Variants in UGGT2 observed in about 807,000 individuals in gnomAD.
The protein encoded by UGGT2 is UDP-glucose:glycoprotein glucosyltransferase 2.
In UGGT2, 180 loss-of-function variants were observed where a neutral mutation model predicts 192.1. That is an observed-to-expected ratio of 0.94 (90% CI 0.83 to 1.06). UGGT2 has a LOEUF of 1.06. UGGT2 is among the 50% of genes least tolerant of loss of function. The probability of loss-of-function intolerance (pLI) is 0.00; values close to 1 mark genes in which losing one functional copy is unlikely to be tolerated. For missense variants in UGGT2, 1,849 were observed against 1,795.7 expected, an observed-to-expected ratio of 1.03 and a Z score of -0.54; for synonymous variants, 580 against 591.0, an observed-to-expected ratio of 0.98 and a Z score of 0.27.
chr13:95,848,352 T>C (rs1459562403), intron 36 of UGGT2, among the ~76,000 whole-genome samples: 1 of 152,222 alleles, frequency 6.6e-6, no homozygotes, highest in Non-Finnish European at 1.5e-5. Flanking sequence ...TTTGGTGTTA[T>C]ATCTAAAAAG....
chr13:95,986,582 TTAAATG>T (rs2051296601), intron 8 of UGGT2, 150 bp from the exon 9 acceptor site: 1 of 511,984 alleles, frequency 2.0e-6, no homozygotes, highest in Non-Finnish European at 3.3e-6. Context: ...TTAAAAAGTT[TTAAATG>T]TAAAGTTATC....
At chr13:96,011,757 C>G (rs2052168246) in intron 5 of UGGT2, among the ~76,000 whole-genome samples, 1 of 152,042 alleles carries the variant, frequency 6.6e-6, no homozygotes, top group African/African-American at 2.4e-5. Flanking sequence ...ACAGATGACT[C>G]TGTGTGATTG....
intron 1 of UGGT2, among the ~76,000 whole-genome samples, chr13:96,033,386 T>C (rs552460549): frequency 6.6e-6 from 1 of 151,690 alleles, no homozygotes; most frequent in Non-Finnish European, 1.5e-5. Flanking sequence ...CACTTCTGAG[T>C]TGGTAGGGTG....
At chr13:95,964,532 G>A (rs2050505369) in intron 12 of UGGT2, among the ~76,000 whole-genome samples, 1 of 152,052 alleles carries the variant, frequency 6.6e-6, no homozygotes, top group South Asian at 2.1e-4. Flanking sequence ...CCTGTTCGAT[G>A]GGAGAAAATA....
intron 24 of UGGT2, among the ~76,000 whole-genome samples, chr13:95,891,817 T>A (rs562905803): frequency 6.6e-6 from 1 of 152,294 alleles, no homozygotes; most frequent in African/African-American, 2.4e-5. Context: ...AGGAAAAGGC[T>A]TCTGCAGTGA....
At chr13:95,925,464 T>C (rs575005355) in intron 20 of UGGT2, among the ~76,000 whole-genome samples, 44 of 152,318 alleles carry the variant, frequency 2.9e-4, no homozygotes, top group African/African-American at 1.0e-3. Flanking sequence ...TCACAAGGAC[T>C]ACCAGAGAAT....
chr13:95,907,210 G>T (rs1350527493), intron 20 of UGGT2, among the ~76,000 whole-genome samples: 2 of 152,204 alleles, frequency 1.3e-5, no homozygotes, highest in African/African-American at 4.8e-5. Flanking sequence ...TGGGGGAGGG[G>T]CGTCCACCAT....
At chr13:96,042,702 G>A (rs1046766696) in intron 1 of UGGT2, among the ~76,000 whole-genome samples, 8 of 151,954 alleles carry the variant, frequency 5.3e-5, no homozygotes, top group Admixed American at 3.9e-4. Flanking sequence ...AACAATGGAC[G>A]CACTTATAGA....
At chr13:95,967,841 T>C (rs1042380896) in intron 12 of UGGT2, among the ~76,000 whole-genome samples, 1 of 152,204 alleles carries the variant, frequency 6.6e-6, no homozygotes, top group African/African-American at 2.4e-5. Context: ...TATCAATAGG[T>C]ATTGAGATAT....
intron 27 of UGGT2, among the ~76,000 whole-genome samples, chr13:95,878,836 ATTTC>A (rs2047414458): frequency 6.6e-6 from 1 of 152,200 alleles, no homozygotes. Context: ...TGTTTACAGC[ATTTC>A]TTTCTTGATT....
intron 12 of UGGT2, among the ~76,000 whole-genome samples, chr13:95,956,639 T>C (rs554518801): frequency 2.6e-5 from 4 of 152,298 alleles, no homozygotes; most frequent in African/African-American, 7.2e-5. Context: ...AGGATGGCAA[T>C]TGCCACAAAG....
chr13:95,873,338 A>T (rs1295829120), intron 29 of UGGT2, among the ~76,000 whole-genome samples: 1 of 152,184 alleles, frequency 6.6e-6, no homozygotes, highest in Non-Finnish European at 1.5e-5. Context: ...TTTCTTGACT[A>T]TCTTTTCTAC....
At chr13:95,806,664 A>C (rs1447093112) in intron 38 of UGGT2, among the ~76,000 whole-genome samples, 1 of 152,224 alleles carries the variant, frequency 6.6e-6, no homozygotes, top group Non-Finnish European at 1.5e-5. Flanking sequence ...ACAGTAATTA[A>C]AACAGTATGG....
intron 15 of UGGT2, among the ~76,000 whole-genome samples, chr13:95,940,336 A>G (rs1039096035): frequency 5.3e-5 from 8 of 151,970 alleles, no homozygotes; most frequent in Non-Finnish European, 1.2e-4. Context: ...ATGAAACCAG[A>G]CACCATTATT....
At chr13:95,983,885 A>AG (rs1454913583) in intron 9 of UGGT2, 21 bp from the exon 10 acceptor site, 1 of 1,472,344 alleles carries the variant, frequency 6.8e-7, no homozygotes, top group Non-Finnish European at 9.3e-7. Context: ...GAATACTAAT[A>AG]TAATTGATCC....
chr13:95,858,076 C>T (rs894289706), intron 33 of UGGT2, among the ~76,000 whole-genome samples: 2 of 148,726 alleles, frequency 1.3e-5, no homozygotes, highest in African/African-American at 5.0e-5. Context: ...TGGGCTGTTA[C>T]ATAAGGTTAA....
Position 95,833,056 on chromosome 13 carries a change from A to G in UGGT2, c.4402-3T>C. 6.2e-7 allele frequency: 1 copy of G among 1,611,068 alleles called. No individual in the cohort carries two copies. Among genetic ancestry groups the G allele is most frequent in the Non-Finnish European group, 8.5e-7 (1 of 1,178,152 alleles). On this transcript the variant is annotated splice_region_variant and splice_polypyrimidine_tract_variant and intron_variant, in intron 37 of 38. Transcript: ENST00000376747. Reference sequence around the variant, plus strand: ...TCTTTTGTTTTGGGATTATTGCACTAAAAGTTTAAGTAAATTTTGTTAATG... The same window carrying G: ...TCTTTTGTTTTGGGATTATTGCACTGAAAGTTTAAGTAAATTTTGTTAATG...
chr13:95,932,220 C>A (rs1339705187), intron 17 of UGGT2, among the ~76,000 whole-genome samples: 1 of 151,690 alleles, frequency 6.6e-6, no homozygotes, highest in East Asian at 1.9e-4. Flanking sequence ...CATTTGTTTG[C>A]ATAATATATG....
At chr13:95,969,969 T>C in intron 12 of UGGT2, 143 bp downstream of exon 12, 2 of 729,564 alleles carry the variant, frequency 2.7e-6, no homozygotes, top group Non-Finnish European at 2.2e-6. Context: ...GGAGAGGAGA[T>C]GGGTCTATAG....
Sources: allele counts gnomAD v4.1 joint callset (sites outside exome capture counted in the v4.1 genomes callset), GRCh38; gene constraint gnomAD v4.1.1; transcripts MANE v1.5; gene names NCBI Gene and HGNC (gene_info 2026-07-23, HGNC 2026-07-21).